The following PAIP1 variants were observed in gnomAD, a reference collection of about 807,000 sequenced individuals.
PAIP1 encodes the protein polyadenylate-binding protein-interacting protein 1.
PAIP1 carries 16 observed loss-of-function variants against 61.3 expected under a neutral mutation model. The observed-to-expected ratio is 0.26, with a 90% CI of 0.18 to 0.40. PAIP1 has a LOEUF of 0.40. Among genes scored for constraint, PAIP1 ranks in the 10% least tolerant of loss-of-function variants. The pLI, the probability that PAIP1 is intolerant of heterozygous loss-of-function variation, is 1.00. For synonymous variants in PAIP1, 187 were observed against 226.2 expected (o/e 0.83, Z 1.56); for missense variants, 416 against 600.9 (o/e 0.69, Z 3.22).
At chr5:43,537,996 C>CAAAAAA in intron 5 of PAIP1, among the ~76,000 whole-genome samples, 1 of 92,670 alleles carries the variant, frequency 1.1e-5, no homozygotes, top group Non-Finnish European at 2.1e-5. Flanking sequence ...TGTCCCCACC[C>CAAAAAA]AAAAAAAAAA....
intron 4 of PAIP1, among the ~76,000 whole-genome samples, chr5:43,542,361 G>A (rs893601337): frequency 1.7e-4 from 26 of 151,042 alleles, no homozygotes; most frequent in South Asian, 1.5e-3. Context: ...GGTGAAACCC[G>A]TCTCTACTAA....
chr5:43,543,160 T>C (rs1579919347), intron 3 of PAIP1, 44 bp from the exon 4 acceptor site: 1 of 884,944 alleles, frequency 1.1e-6, no homozygotes, highest in Non-Finnish European at 1.8e-6. Flanking sequence ...GGTACATCAT[T>C]ATTAATGTAA....
At chr5:43,545,862 C>T (rs1449706279) in intron 3 of PAIP1, among the ~76,000 whole-genome samples, 16 of 151,946 alleles carry the variant, frequency 1.1e-4, no homozygotes, top group Admixed American at 9.8e-4. Flanking sequence ...CTCCGCCTCC[C>T]GGGTTCAAGC....
At position 43,556,634 on chromosome 5, in the gene PAIP1, C is replaced by T; in HGVS notation, c.213G>A (p.Gln71=). 4.0e-6 allele frequency: 5 copies of T among 1,263,632 alleles called. No homozygotes were observed. Among genetic ancestry groups the T allele is most frequent in the Non-Finnish European group, 5.0e-6 (5 of 1,003,152 alleles). 78.3% of individuals were successfully genotyped at this position (1,263,632 alleles called of 1,614,324 possible). The change falls in exon 1 of 11, where the codon CAG becomes CAA. Residue 71 remains glutamine (Q), a synonymous_variant. Transcript: ENST00000306846. ...QPRTTPPPGA[Q]CEVPASPQRP... The stretch of plus-strand genomic sequence containing the variant: ...GCTGGGGGCTGGCGGGGACCTCGCA[C>T]TGGGCCCCTGGCGGCGGGGTCGTCC...
intron 2 of PAIP1, among the ~76,000 whole-genome samples, chr5:43,553,533 G>A (rs564638774): frequency 6.6e-6 from 1 of 152,254 alleles, no homozygotes; most frequent in Non-Finnish European, 1.5e-5. Context: ...ACTATTTGTT[G>A]AATGAGTGAA....
chr5:43,538,241 CAG>C (rs1338145800), intron 5 of PAIP1, among the ~76,000 whole-genome samples: 1 of 151,914 alleles, frequency 6.6e-6, no homozygotes, highest in Non-Finnish European at 1.5e-5. Context: ...TCAAAGGACA[CAG>C]AATTTCATTT....
intron 5 of PAIP1, among the ~76,000 whole-genome samples, chr5:43,538,697 A>G (rs527637779): frequency 6.6e-6 from 1 of 152,332 alleles, no homozygotes; most frequent in Non-Finnish European, 1.5e-5. Flanking sequence ...AAGTACGCAG[A>G]TTTTTACCTC....
intron 9 of PAIP1, among the ~76,000 whole-genome samples, chr5:43,531,249 C>G (rs1009930791): frequency 9.3e-5 from 14 of 151,026 alleles, no homozygotes; most frequent in African/African-American, 3.2e-4. Context: ...TCTGTGGCTC[C>G]TGGCAGAAGG....
chr5:43,556,575 T>C lies in PAIP1; in HGVS notation c.265+7A>G. 1.6e-6 allele frequency: 2 copies of C among 1,252,242 alleles called. No individual in the cohort carries two copies. The highest frequency in any genetic ancestry group is 2.0e-6 in the Non-Finnish European group (2 of 993,790). 77.6% of individuals were successfully genotyped at this position (1,252,242 alleles called of 1,614,324 possible). On this transcript the variant is annotated splice_region_variant and intron_variant, in intron 1 of 10. Coordinates refer to ENST00000306846, the MANE Select transcript of PAIP1 (RefSeq NM_006451.5). ...GGAGGACTGGGGCCCTTAGAGCTGC[T>C]CCGTACCTGGGAGCGCCCCGGGCCG...
chr5:43,550,987 G>A (rs542678031), intron 2 of PAIP1, among the ~76,000 whole-genome samples: 9 of 152,180 alleles, frequency 5.9e-5, no homozygotes, highest in Non-Finnish European at 1.0e-4. Flanking sequence ...AGGCCCCAAG[G>A]AGGCCTAATA....
chr5:43,535,998 C>T (rs1016933082), intron 6 of PAIP1, among the ~76,000 whole-genome samples: 3 of 129,998 alleles, frequency 2.3e-5, no homozygotes, highest in Admixed American at 2.3e-4. Context: ...AAAAAAAAAA[C>T]ACAAACATGC....
chr5:43,556,301 G>A (rs1484027689), intron 1 of PAIP1: 5 of 1,247,998 alleles, frequency 4.0e-6, no homozygotes, highest in Non-Finnish European at 5.0e-6. Flanking sequence ...TCGCTTTAGA[G>A]GGCTGCTGAG....
Position 43,556,727 on chromosome 5 carries a change from C to A in PAIP1, c.120G>T (p.Arg40=), listed in dbSNP as rs1579933769. ...TGGGTTGCGGCGGCTGGTGCCGCGC[C>A]CGCTCAGCAGGCCCCGCTCCGTTCG... ...GFPNGAGPAE[R]ARHQPPQPKA... is the part of the protein sequence containing the mutation. The change falls in exon 1 of 11, where the codon CGG becomes CGT. Residue 40 remains arginine, a synonymous_variant. Transcript: ENST00000306846. 2.2e-6 allele frequency: 3 copies of A among 1,351,096 alleles called. No individual in the cohort carries two copies. The highest frequency in any genetic ancestry group is 3.7e-5 in the Admixed American group (1 of 27,140). The allele number at this position is 1,351,096 out of a possible 1,614,324, so 83.7% of individuals were successfully genotyped here. A position where few individuals can be genotyped will look rare whatever the true frequency, so the allele number is the denominator to read the frequency against.
chr5:43,533,905 A>C, intron 8 of PAIP1, 113 bp from the exon 9 acceptor site: 1 of 696,292 alleles, frequency 1.4e-6, no homozygotes, highest in East Asian at 2.6e-5. Flanking sequence ...TGCAAGAACA[A>C]GCAAAGGAAC....
chr5:43,554,699 A>C (rs1747996266), intron 2 of PAIP1, among the ~76,000 whole-genome samples: 1 of 152,216 alleles, frequency 6.6e-6, no homozygotes, highest in South Asian at 2.1e-4. Flanking sequence ...CCAAGTGCCG[A>C]CCAGGAAGCA....
intron 1 of PAIP1, chr5:43,556,300 A>G: frequency 8.0e-7 from 1 of 1,247,724 alleles, no homozygotes; most frequent in Non-Finnish European, 1.0e-6. Context: ...CTCGCTTTAG[A>G]GGGCTGCTGA....
chr5:43,555,355 C>T (rs1328949062), intron 2 of PAIP1, among the ~76,000 whole-genome samples: 1 of 152,210 alleles, frequency 6.6e-6, no homozygotes, highest in African/African-American at 2.4e-5. Context: ...TATGCATTTA[C>T]TCATCTGGGT....
intron 4 of PAIP1, among the ~76,000 whole-genome samples, chr5:43,541,901 G>A (rs2112400911): frequency 1.3e-5 from 2 of 152,148 alleles, no homozygotes; most frequent in African/African-American, 4.8e-5. Flanking sequence ...GACAGGCTGG[G>A]CGTGGTGGCT....
In PAIP1 at chr5:43,531,488, A is replaced by T. The variant is rs1032267541; in HGVS notation, c.1253-1609T>A. On this transcript the variant is annotated intron_variant, in intron 9 of 10. Transcript: ENST00000306846. ...CATGGTGAAACCCTGTCTCAATAAA[A>T]AAAAAAAAAAAATACAAAATTAGCC... Among the ~76,000 whole-genome samples, 8 of 149,436 alleles carry T rather than the reference A, an allele frequency of 5.4e-5. No homozygotes were observed. The South Asian group carries it at 1.1e-3, about 20-fold the overall frequency.
Sources: allele counts gnomAD v4.1 joint callset (sites outside exome capture counted in the v4.1 genomes callset), GRCh38; gene constraint gnomAD v4.1.1; transcripts MANE v1.5; gene names NCBI Gene and HGNC (gene_info 2026-07-23, HGNC 2026-07-21).